CDKAL1: variants seen among roughly 807,000 people sequenced by gnomAD.
CDKAL1 encodes CDKAL1 threonylcarbamoyladenosine tRNA methylthiotransferase.
Under a neutral mutation model 68.2 loss-of-function variants are expected in CDKAL1, and 32 were observed. The ratio of observed to expected loss-of-function variants is 0.47; its 90% CI spans 0.35 to 0.63. CDKAL1 has a LOEUF of 0.63. CDKAL1 is among the 30% of genes least tolerant of loss of function. CDKAL1 has a pLI of 0.00. For synonymous variants in CDKAL1, 234 were observed against 244.3 expected (o/e 0.96, Z 0.39); for missense variants, 606 against 696.7 (o/e 0.87, Z 1.47).
At chr6:20,732,056 AT>A (rs1452369703) in intron 5 of CDKAL1, among the ~76,000 whole-genome samples, 1 of 143,318 alleles carries the variant, frequency 7.0e-6, no homozygotes, top group Non-Finnish European at 1.6e-5. Context: ...AATTAAAAAA[AT>A]TTTTTTGAGA....
intron 8 of CDKAL1, among the ~76,000 whole-genome samples, chr6:20,845,353 A>G (rs1428417262): frequency 6.6e-6 from 1 of 152,062 alleles, no homozygotes; most frequent in African/African-American, 2.4e-5. Flanking sequence ...TTTAAGGTAT[A>G]TTTTAATATT....
intron 4 of CDKAL1, among the ~76,000 whole-genome samples, chr6:20,565,270 G>A (rs532197851): frequency 1.3e-5 from 2 of 152,188 alleles, no homozygotes; most frequent in East Asian, 3.9e-4. Flanking sequence ...AGAAGTCCAA[G>A]ATATAATAAT....
At chr6:20,752,034 T>C (rs985144776) in intron 6 of CDKAL1, among the ~76,000 whole-genome samples, 2 of 151,894 alleles carry the variant, frequency 1.3e-5, no homozygotes, top group Non-Finnish European at 2.9e-5. Context: ...CTCCCACCCT[T>C]CATTTTTTTT....
intron 4 of CDKAL1, among the ~76,000 whole-genome samples, chr6:20,629,888 C>G (rs1226126590): frequency 6.6e-6 from 1 of 151,896 alleles, no homozygotes; most frequent in African/African-American, 2.4e-5. Flanking sequence ...AGAGTCTTGC[C>G]CTGTTGCCAG....
intron 4 of CDKAL1, among the ~76,000 whole-genome samples, chr6:20,570,065 G>A (rs9465811): frequency 0.022 from 3,269 of 151,978 alleles, 106 homozygotes; most frequent in African/African-American, 0.074. Flanking sequence ...TGACTACAGC[G>A]AAAGCTTTTT....
At chr6:20,567,075 G>A (rs747472373) in intron 4 of CDKAL1, among the ~76,000 whole-genome samples, 1 of 151,670 alleles carries the variant, frequency 6.6e-6, no homozygotes, top group Non-Finnish European at 1.5e-5. Context: ...TGAAATTGTT[G>A]CCTCCCCATT....
chr6:21,095,338 C>T (rs916294503), intron 12 of CDKAL1, among the ~76,000 whole-genome samples: 1 of 152,186 alleles, frequency 6.6e-6, no homozygotes, highest in African/African-American at 2.4e-5. Context: ...TTGCTCATTA[C>T]TTAAAATGGT....
chr6:20,578,186 G>A (rs1486092071), intron 4 of CDKAL1, among the ~76,000 whole-genome samples: 1 of 151,990 alleles, frequency 6.6e-6, no homozygotes, highest in Non-Finnish European at 1.5e-5. Context: ...AAAAATTCAG[G>A]TATAATTTAT....
chr6:21,138,782 C>T (rs9688565), intron 13 of CDKAL1, among the ~76,000 whole-genome samples: 6 of 152,262 alleles, frequency 3.9e-5, no homozygotes, highest in East Asian at 1.9e-4. Flanking sequence ...CTTAAGCACC[C>T]GGACATAAGC....
At chr6:21,205,098 G>A (rs1370296800) in intron 15 of CDKAL1, among the ~76,000 whole-genome samples, 1 of 152,094 alleles carries the variant, frequency 6.6e-6, no homozygotes, top group African/African-American at 2.4e-5. Context: ...AATGTCCTCA[G>A]GGTTCATCCA....
chr6:20,776,404 T>G (rs140628293), intron 7 of CDKAL1, among the ~76,000 whole-genome samples: 59 of 152,300 alleles, frequency 3.9e-4, no homozygotes, highest in African/African-American at 1.3e-3. Flanking sequence ...AGAGCATACA[T>G]TTTCAGAACG....
intron 9 of CDKAL1, among the ~76,000 whole-genome samples, chr6:20,856,666 C>T (rs1422792955): frequency 6.6e-6 from 1 of 152,096 alleles, no homozygotes; most frequent in Non-Finnish European, 1.5e-5. Flanking sequence ...TTCTTGTGAC[C>T]AGGTACAAGA....
intron 5 of CDKAL1, among the ~76,000 whole-genome samples, chr6:20,691,735 C>T (rs1770877940): frequency 6.6e-6 from 1 of 152,138 alleles, no homozygotes; most frequent in South Asian, 2.1e-4. Flanking sequence ...TTATGCGTCT[C>T]AGTCTCCTTC....
intron 5 of CDKAL1, among the ~76,000 whole-genome samples, chr6:20,720,649 G>A (rs957261551): frequency 5.9e-5 from 9 of 152,092 alleles, no homozygotes; most frequent in Non-Finnish European, 8.8e-5. Context: ...ACAGGCATAC[G>A]CCACCAGGCC....
At position 20,988,400 on chromosome 6, in the gene CDKAL1, C is replaced by T. The variant is rs77212547; in HGVS notation, c.910-11827C>T. ...GAAATAATGTTTTATCAGCTATCTG[C>T]GCATTCAGTAGCCCTGTCAACACGT... On this transcript the variant is annotated intron_variant, in intron 10 of 15. Coordinates refer to ENST00000274695, the MANE Select transcript of CDKAL1 (RefSeq NM_017774.3). 1.7e-3 allele frequency among the ~76,000 whole-genome samples: 252 copies of T among 152,190 alleles called. 1 individual carries two copies. Among genetic ancestry groups the T allele is most frequent in the African/African-American group, 5.6e-3 (233 of 41,520 alleles).
At chr6:20,630,937 T>C (rs901434942) in intron 4 of CDKAL1, among the ~76,000 whole-genome samples, 3 of 152,228 alleles carry the variant, frequency 2.0e-5, no homozygotes, top group Non-Finnish European at 2.9e-5. Flanking sequence ...GAAAATGCTA[T>C]GCAAATGTGG....
chr6:21,012,373 G>T (rs900872947), intron 11 of CDKAL1, among the ~76,000 whole-genome samples: 2 of 152,102 alleles, frequency 1.3e-5, no homozygotes, highest in African/African-American at 4.8e-5. Flanking sequence ...GCTACATACA[G>T]AACTTACTCT....
At chr6:20,985,743 C>CAGTG (rs1766417293) in intron 10 of CDKAL1, among the ~76,000 whole-genome samples, 1 of 151,750 alleles carries the variant, frequency 6.6e-6, no homozygotes, top group Non-Finnish European at 1.5e-5. Context: ...GTGGACTCTG[C>CAGTG]AGTGAGCTGT....
chr6:20,759,230 G>A (rs371228422), intron 7 of CDKAL1, among the ~76,000 whole-genome samples: 1 of 152,062 alleles, frequency 6.6e-6, no homozygotes, highest in East Asian at 1.9e-4. Context: ...CAGATTGAAA[G>A]AATTTAATCA....
Sources: allele counts gnomAD v4.1 joint callset (sites outside exome capture counted in the v4.1 genomes callset), GRCh38; gene constraint gnomAD v4.1.1; transcripts MANE v1.5; gene names NCBI Gene and HGNC (gene_info 2026-07-23, HGNC 2026-07-21).